The following KIFBP variants were observed in gnomAD, a reference collection of about 807,000 sequenced individuals.
The protein encoded by KIFBP is KIF-binding protein.
In KIFBP, 46 loss-of-function variants were observed where a neutral mutation model predicts 58.9. The observed-to-expected ratio is 0.78, with a 90% CI of 0.62 to 1.00. The LOEUF is 1.00. KIFBP is among the 50% of genes least tolerant of loss of function. The pLI is 0.00. For synonymous variants in KIFBP, 241 were observed against 283.4 expected, an observed-to-expected ratio of 0.85 and a Z score of 1.50; for missense variants, 651 against 752.9, an observed-to-expected ratio of 0.86 and a Z score of 1.58.
intron 1 of KIFBP, among the ~76,000 whole-genome samples, chr10:68,992,653 T>C (rs1589293333): frequency 6.6e-6 from 1 of 152,284 alleles, no homozygotes; most frequent in East Asian, 1.9e-4. Flanking sequence ...GGTAAGTTTA[T>C]ATTTTGTGTG....
intron 1 of KIFBP, among the ~76,000 whole-genome samples, chr10:68,994,689 T>C (rs995378078): frequency 6.6e-6 from 1 of 152,126 alleles, no homozygotes; most frequent in Non-Finnish European, 1.5e-5. Flanking sequence ...ACAGATTCAT[T>C]GAGTTGCAAT....
intron 1 of KIFBP, among the ~76,000 whole-genome samples, chr10:68,998,170 C>G (rs1201565144): frequency 6.6e-6 from 1 of 152,204 alleles, no homozygotes; most frequent in Non-Finnish European, 1.5e-5. Context: ...TCAGGCTGGT[C>G]TTGAACTCCT....
intron 1 of KIFBP, among the ~76,000 whole-genome samples, chr10:68,998,982 C>T (rs141689283): frequency 0.022 from 3,256 of 150,970 alleles, 51 homozygotes; most frequent in Non-Finnish European, 0.034. Context: ...GGTTTCACCA[C>T]GTTGGCCAGG....
At position 68,988,842 on chromosome 10, in the gene KIFBP, G is replaced by A; in HGVS notation, c.10G>A (p.Val4Ile). Residue 4 changes from valine (V) to isoleucine (I), a missense_variant, in exon 1 of 7, where the codon GTT becomes ATT. Physicochemically the swap from Val to Ile is conservative, Grantham distance 29 (BLOSUM62 3). Coordinates refer to ENST00000361983, the MANE Select transcript of KIFBP (RefSeq NM_015634.4). MAN[V>I]PWAEVCEKFQ... ...GGCAGTAGAGGCCGCTATGGCGAAC[G>A]TTCCGTGGGCAGAGGTCTGCGAGAA... The A allele has an allele frequency of 6.2e-6, 10 of 1,614,284 alleles. No individual in the cohort carries two copies. Among genetic ancestry groups the A allele is most frequent in the Non-Finnish European group, 8.5e-6 (10 of 1,180,054 alleles).
Position 69,000,409 on chromosome 10 carries a change from T to A in KIFBP, c.427-15T>A, listed in dbSNP as rs1843454193. On this transcript the variant is annotated splice_polypyrimidine_tract_variant and intron_variant, in intron 1 of 6. Coordinates refer to ENST00000361983, the MANE Select transcript of KIFBP (RefSeq NM_015634.4). ...CTTATATCATTGTTTGTTTCTCTTTTTCTTTATTTTCCAGAATAACCTGGG... is the reference window on the plus strand; with the variant it reads ...CTTATATCATTGTTTGTTTCTCTTTATCTTTATTTTCCAGAATAACCTGGG... 1 of 1,537,902 alleles carries A rather than the reference T, an allele frequency of 6.5e-7. No homozygotes were observed. The highest frequency in any genetic ancestry group is 9.0e-7 in the Non-Finnish European group (1 of 1,111,098).
chr10:68,998,449 A>G lies in KIFBP; in HGVS notation c.427-1975A>G, dbSNP rs536581937. 6.6e-5 allele frequency among the ~76,000 whole-genome samples: 10 copies of G among 152,054 alleles called. No individual in the cohort carries two copies. The South Asian group carries it at 1.7e-3, about 25-fold the overall frequency. On this transcript the variant is annotated intron_variant, in intron 1 of 6. Transcript: ENST00000361983. ...TGTTCACAAAGTCCCAGGTCCTATA[A>G]TACTGCTACAATTTATTTCCTGTGT...
rs1239547394 is a variant in KIFBP at position 69,015,822 on chromosome 10, A to G, written c.1272A>G (p.Gln424=). The G allele has an allele frequency of 6.2e-7, 1 of 1,614,232 alleles. No homozygotes were observed. Among genetic ancestry groups the G allele is most frequent in the Admixed American group, 1.7e-5 (1 of 60,026 alleles). Residue 424 remains glutamine, a synonymous_variant, in exon 7 of 7, where the codon CAA becomes CAG. Transcript: ENST00000361983. ...GYVTDHIEVV[Q]DHSALFKVLA... is the part of the protein sequence containing the mutation. ...TCACTGACCATATTGAAGTTGTCCA[A>G]GACCACAGTGCTCTGTTTAAGGTGC...
chr10:69,009,671 C>T (rs748010043), intron 5 of KIFBP, among the ~76,000 whole-genome samples: 3 of 152,126 alleles, frequency 2.0e-5, no homozygotes, highest in Non-Finnish European at 2.9e-5. Context: ...CATGCATAAG[C>T]GATGTTGCCA....
At chr10:68,998,187 G>A (rs964732525) in intron 1 of KIFBP, among the ~76,000 whole-genome samples, 6 of 152,138 alleles carry the variant, frequency 3.9e-5, no homozygotes, top group Admixed American at 6.5e-5. Context: ...TCCTGACCCC[G>A]TGACCTGCCC....
intron 5 of KIFBP, among the ~76,000 whole-genome samples, chr10:69,009,268 A>G (rs1188449714): frequency 1.3e-5 from 2 of 152,162 alleles, no homozygotes; most frequent in Non-Finnish European, 2.9e-5. Context: ...TTGGGAGGCC[A>G]AGATGGGAGG....
Position 68,989,550 on chromosome 10 carries a change from T to C in KIFBP, c.426+292T>C. On this transcript the variant is annotated intron_variant, in intron 1 of 6. Transcript: ENST00000361983. ...TCACTTAGACGTGGCGATGCATTGG[T>C]GTCCGAGACCCTCCTACATCGTCAT... The C allele has an allele frequency of 1.9e-5, 10 of 540,432 alleles. No individual in the cohort carries two copies. The South Asian group carries it at 1.9e-4, about 10-fold the overall frequency. The allele number at this position is 540,432 out of a possible 1,614,324, so 33.5% of individuals were successfully genotyped here.
chr10:69,002,115 A>T (rs1459911398), intron 2 of KIFBP, among the ~76,000 whole-genome samples: 9 of 151,478 alleles, frequency 5.9e-5, no homozygotes, highest in African/African-American at 2.2e-4. Context: ...GCAGTGAGCT[A>T]TCATCGAACC....
At chr10:69,000,545 T>TTCAATCAAAAC in intron 2 of KIFBP, 23 bp downstream of exon 2, 1 of 1,421,818 alleles carries the variant, frequency 7.0e-7, no homozygotes, top group Non-Finnish European at 9.9e-7. Context: ...TCAGATGAGT[T>TTCAATCAAAAC]TTAAGTTTTG....
At chr10:69,011,683 C>CTTTTTTTTTTTTT (rs34786287) in intron 6 of KIFBP, among the ~76,000 whole-genome samples, 1 of 42,512 alleles carries the variant, frequency 2.4e-5, no homozygotes, top group African/African-American at 1.0e-4. Context: ...TGTGCCTAAT[C>CTTTTTTTTTTTTT]TTTTTTTTTT....
intron 1 of KIFBP, among the ~76,000 whole-genome samples, chr10:68,992,451 T>C (rs1422461939): frequency 6.6e-6 from 1 of 152,094 alleles, no homozygotes; most frequent in East Asian, 1.9e-4. Flanking sequence ...TGTAGAAAAA[T>C]AGGTAAATTT....
At chr10:68,990,141 T>A (rs972390436) in intron 1 of KIFBP, among the ~76,000 whole-genome samples, 1 of 152,222 alleles carries the variant, frequency 6.6e-6, no homozygotes, top group African/African-American at 2.4e-5. Flanking sequence ...ATTAATAACT[T>A]TCTTGGGACC....
At chr10:69,004,828 T>G (rs1843513672) in intron 2 of KIFBP, among the ~76,000 whole-genome samples, 1 of 152,054 alleles carries the variant, frequency 6.6e-6, no homozygotes, top group Non-Finnish European at 1.5e-5. Context: ...GCCGAGATTG[T>G]GCCACTCCAC....
At chr10:68,999,631 G>C in intron 1 of KIFBP, 1 of 152,102 alleles carries the variant, frequency 6.6e-6, no homozygotes, top group South Asian at 2.1e-4. Context: ...TTGTTGGCAG[G>C]ATTCAGTTCC....
At chr10:69,011,118 T>C (rs2132116634) in intron 6 of KIFBP, 103 bp downstream of exon 6, 1 of 775,396 alleles carries the variant, frequency 1.3e-6, no homozygotes, top group South Asian at 1.4e-5. Context: ...GTGTTTAATA[T>C]GAAAGGTGTG....
Sources: gnomAD v4.1 joint callset for allele counts (sites outside exome capture counted in the v4.1 genomes callset) on GRCh38, gnomAD v4.1.1 for gene constraint, MANE v1.5 for transcripts, NCBI Gene and HGNC (gene_info 2026-07-23, HGNC 2026-07-21) for gene names.